The following TNKS variants were observed in gnomAD, a reference collection of about 807,000 sequenced individuals.
The protein encoded by TNKS is tankyrase, also known as poly [ADP-ribose] polymerase tankyrase-1.
In TNKS, 72 loss-of-function variants were observed where a neutral mutation model predicts 135.8. The observed-to-expected ratio is 0.53, with a 90% confidence interval of 0.44 to 0.64. The LOEUF (loss-of-function observed/expected upper bound fraction) is 0.64, where lower values mean the gene tolerates loss of function less well. Ranked by LOEUF, TNKS falls within the 30% of genes least tolerant of loss-of-function variation. The pLI, the probability that TNKS is intolerant of heterozygous loss-of-function variation, is 0.00. For missense variants in TNKS, 1,769 were observed against 1,674.0 expected, an observed-to-expected ratio of 1.06 and a Z score of -0.99; for synonymous variants, 849 against 649.3, an observed-to-expected ratio of 1.31 and a Z score of -4.68.
At chr8:9,725,041 A>G (rs530276961) in intron 12 of TNKS, among the ~76,000 whole-genome samples, 2 of 152,388 alleles carry the variant, frequency 1.3e-5, no homozygotes, top group African/African-American at 2.4e-5. Context: ...GAAAGGATAT[A>G]TCAGTGAATT....
intron 5 of TNKS, among the ~76,000 whole-genome samples, chr8:9,685,578 T>C (rs1248922865): frequency 6.6e-6 from 1 of 152,206 alleles, no homozygotes; most frequent in Non-Finnish European, 1.5e-5. Context: ...TTGTCCAAGC[T>C]CTGTCCCAGC....
chr8:9,690,826 T>C (rs1585332638), intron 5 of TNKS, among the ~76,000 whole-genome samples: 2 of 152,232 alleles, frequency 1.3e-5, no homozygotes, highest in South Asian at 4.1e-4. Flanking sequence ...TCCATTACTT[T>C]GGAAGAACAT....
chr8:9,640,258 C>T (rs1800675135), intron 3 of TNKS, among the ~76,000 whole-genome samples: 1 of 152,178 alleles, frequency 6.6e-6, no homozygotes, highest in Non-Finnish European at 1.5e-5. Context: ...GAGCCAGCAT[C>T]TGGCCAGGGC....
chr8:9,593,297 C>G (rs146000564), intron 2 of TNKS, among the ~76,000 whole-genome samples: 8 of 152,240 alleles, frequency 5.3e-5, no homozygotes, highest in African/African-American at 1.7e-4. Flanking sequence ...ACCAGTTTAC[C>G]AGTGAAGAAG....
At chr8:9,654,275 A>G (rs767018536) in intron 3 of TNKS, among the ~76,000 whole-genome samples, 1 of 152,248 alleles carries the variant, frequency 6.6e-6, no homozygotes, top group Non-Finnish European at 1.5e-5. Flanking sequence ...GCAGATAAAA[A>G]TAACATGCCT....
At chr8:9,661,035 A>G (rs1411613986) in intron 3 of TNKS, among the ~76,000 whole-genome samples, 3 of 151,432 alleles carry the variant, frequency 2.0e-5, no homozygotes, top group Non-Finnish European at 4.4e-5. Flanking sequence ...AGGGACGTGA[A>G]GGACCTCTTC....
Position 9,556,627 on chromosome 8 carries a change from A to C in TNKS, c.673+15A>C. On this transcript the variant is annotated intron_variant, in intron 1 of 26. Transcript: ENST00000310430. Reference sequence around the variant, plus strand: ...CTTCGCTGCAGGTCAGAGACTTTTGAATTGTTTATTAAGGGTTATGGGTTT... The same window carrying C: ...CTTCGCTGCAGGTCAGAGACTTTTGCATTGTTTATTAAGGGTTATGGGTTT... 6.2e-7 allele frequency: 1 copy of C among 1,612,552 alleles called. No homozygotes were observed. The highest frequency in any genetic ancestry group is 2.2e-5 in the East Asian group (1 of 44,870).
At chr8:9,715,794 T>A (rs1285097615) in intron 11 of TNKS, among the ~76,000 whole-genome samples, 1 of 152,098 alleles carries the variant, frequency 6.6e-6, no homozygotes, top group East Asian at 1.9e-4. Context: ...AAACTTTTGT[T>A]CCTTAAAAAA....
chr8:9,670,527 G>C (rs1166273589), intron 3 of TNKS, among the ~76,000 whole-genome samples: 1 of 152,138 alleles, frequency 6.6e-6, no homozygotes, highest in Non-Finnish European at 1.5e-5. Context: ...GTAAAATAGA[G>C]TATCAACATT....
chr8:9,750,820 C>T (rs1806485500), intron 18 of TNKS, among the ~76,000 whole-genome samples: 1 of 152,234 alleles, frequency 6.6e-6, no homozygotes, highest in Non-Finnish European at 1.5e-5. Context: ...CAGTTACCTG[C>T]ACCTGGGAAC....
At chr8:9,684,184 T>G (rs1309246716) in intron 5 of TNKS, among the ~76,000 whole-genome samples, 1 of 152,026 alleles carries the variant, frequency 6.6e-6, no homozygotes, top group Non-Finnish European at 1.5e-5. Flanking sequence ...AATAGGTTGT[T>G]GCCTTTCTAG....
At chr8:9,616,875 C>G (rs1207917339) in intron 3 of TNKS, among the ~76,000 whole-genome samples, 1 of 152,132 alleles carries the variant, frequency 6.6e-6, no homozygotes, top group Non-Finnish European at 1.5e-5. Context: ...TAGCCTCGGG[C>G]CTGCTCAGAT....
intron 25 of TNKS, among the ~76,000 whole-genome samples, chr8:9,767,098 A>C (rs1213436556): frequency 6.6e-6 from 1 of 152,330 alleles, no homozygotes; most frequent in African/African-American, 2.4e-5. Context: ...GAATGAAGAC[A>C]CACTTCTATA....
intron 3 of TNKS, among the ~76,000 whole-genome samples, chr8:9,630,135 C>A (rs1219634752): frequency 1.3e-5 from 2 of 152,174 alleles, no homozygotes; most frequent in Admixed American, 1.3e-4. Flanking sequence ...CATTTACTTA[C>A]TGTTTTGTTT....
intron 11 of TNKS, among the ~76,000 whole-genome samples, chr8:9,718,021 G>GCTA (rs1415732471): frequency 1.5e-4 from 4 of 27,454 alleles, no homozygotes; most frequent in African/African-American, 3.0e-4. Context: ...ACTGTCAGAA[G>GCTA]TTATTAGTTA....
chr8:9,775,079 A>T (rs543559224), intron 26 of TNKS, among the ~76,000 whole-genome samples: 2 of 152,244 alleles, frequency 1.3e-5, no homozygotes, highest in East Asian at 3.9e-4. Flanking sequence ...GCTAGTGATA[A>T]ATAGTTTTCT....
intron 2 of TNKS, among the ~76,000 whole-genome samples, chr8:9,589,677 G>C (rs1314638431): frequency 1.3e-5 from 2 of 152,220 alleles, no homozygotes; most frequent in Non-Finnish European, 2.9e-5. Flanking sequence ...ACTATACATA[G>C]GAATCTACAA....
chr8:9,572,075 C>A (rs968072003), intron 1 of TNKS, among the ~76,000 whole-genome samples: 4 of 152,178 alleles, frequency 2.6e-5, no homozygotes, highest in Non-Finnish European at 5.9e-5. Flanking sequence ...TAGATTTGTA[C>A]TGAGTTAATT....
chr8:9,734,796 T>TTACCTACC (rs529364508), intron 15 of TNKS, 69 bp from the exon 16 acceptor site: 1 of 1,327,670 alleles, frequency 7.5e-7, no homozygotes, highest in African/African-American at 1.5e-5. Context: ...AGTAAATTAA[T>TTACCTACC]TACCTACCTA....
Sources: gnomAD v4.1 joint callset for allele counts (sites outside exome capture counted in the v4.1 genomes callset) on GRCh38, gnomAD v4.1.1 for gene constraint, MANE v1.5 for transcripts, NCBI Gene and HGNC (gene_info 2026-07-23, HGNC 2026-07-21) for gene names.